Variants in PDZRN4 observed in about 807,000 individuals in gnomAD.
PDZRN4 encodes PDZ domain-containing RING finger protein 4.
PDZRN4 carries 70 observed loss-of-function variants against 99.0 expected under a neutral mutation model. The observed-to-expected ratio is 0.71, with a 90% confidence interval of 0.58 to 0.86. The LOEUF (loss-of-function observed/expected upper bound fraction) is 0.86, where lower values mean the gene tolerates loss of function less well. Ranked by LOEUF, PDZRN4 falls within the 40% of genes least tolerant of loss-of-function variation. PDZRN4 has a pLI of 0.00. For missense variants in PDZRN4, 1,474 were observed against 1,331.2 expected (o/e 1.11, Z -1.67); for synonymous variants, 551 against 501.6 (o/e 1.10, Z -1.32).
chr12:41,314,148 T>A (rs1240232932), intron 3 of PDZRN4, among the ~76,000 whole-genome samples: 1 of 152,198 alleles, frequency 6.6e-6, no homozygotes, highest in Non-Finnish European at 1.5e-5. Flanking sequence ...GAACAGCTTT[T>A]AGGTAAGGAT....
intron 3 of PDZRN4, among the ~76,000 whole-genome samples, chr12:41,453,208 G>C (rs888309354): frequency 1.3e-5 from 2 of 152,138 alleles, no homozygotes; most frequent in African/African-American, 4.8e-5. Context: ...CCGCCCCTGG[G>C]GGAGTGAATC....
At chr12:41,197,469 C>G (rs11837125) in intron 3 of PDZRN4, among the ~76,000 whole-genome samples, 5,196 of 152,186 alleles carry the variant, frequency 0.034, 294 homozygotes, top group African/African-American at 0.12. Context: ...CCACAAGCAA[C>G]TATGTTAACC....
chr12:41,481,942 C>T lies in PDZRN4; in HGVS notation c.844-24514C>T, dbSNP rs557523879. Among the ~76,000 whole-genome samples the T allele has an allele frequency of 9.9e-4, 151 of 152,146 alleles. 1 individual carries two copies. The highest frequency in any genetic ancestry group is 1.0e-3 in the Non-Finnish European group (71 of 68,004). ...ATTAAGAAGAATAATTTAATTATAA[C>T]AATACTTTTTAAAGACTTTCTTTAG... On this transcript the variant is annotated intron_variant, in intron 3 of 9. Transcript: ENST00000402685.
chr12:41,373,677 A>G (rs1429384020), intron 3 of PDZRN4, among the ~76,000 whole-genome samples: 1 of 151,888 alleles, frequency 6.6e-6, no homozygotes, highest in African/African-American at 2.4e-5. Context: ...TGTGCAGTTA[A>G]TGCAGTCATC....
chr12:41,366,181 G>C (rs1286129773), intron 3 of PDZRN4, among the ~76,000 whole-genome samples: 1 of 152,050 alleles, frequency 6.6e-6, no homozygotes, highest in East Asian at 1.9e-4. Flanking sequence ...TGTTACCCTG[G>C]TCCTAATTTG....
At chr12:41,324,142 T>C (rs1174949658) in intron 3 of PDZRN4, among the ~76,000 whole-genome samples, 1 of 152,092 alleles carries the variant, frequency 6.6e-6, no homozygotes, top group Non-Finnish European at 1.5e-5. Flanking sequence ...ATTGCTTAAA[T>C]AAAACATATC....
intron 3 of PDZRN4, among the ~76,000 whole-genome samples, chr12:41,485,334 T>C (rs993535285): frequency 1.3e-5 from 2 of 152,170 alleles, no homozygotes; most frequent in African/African-American, 4.8e-5. Context: ...TGTACCCCTA[T>C]ACCTATCCTG....
chr12:41,546,982 G>T (rs892273013), intron 5 of PDZRN4, among the ~76,000 whole-genome samples: 1 of 152,150 alleles, frequency 6.6e-6, no homozygotes, highest in African/African-American at 2.4e-5. Context: ...ACAAATGGCC[G>T]TGGATAGTTA....
intron 3 of PDZRN4, among the ~76,000 whole-genome samples, chr12:41,325,729 G>A (rs959530230): frequency 6.6e-6 from 1 of 151,890 alleles, no homozygotes; most frequent in Non-Finnish European, 1.5e-5. Context: ...CCTTAGATAT[G>A]GTGAAATTAA....
At chr12:41,311,383 G>A (rs944073175) in intron 3 of PDZRN4, among the ~76,000 whole-genome samples, 3 of 151,948 alleles carry the variant, frequency 2.0e-5, no homozygotes, top group Non-Finnish European at 2.9e-5. Flanking sequence ...AGAATGAGGC[G>A]GTGTGATGTC....
intron 3 of PDZRN4, among the ~76,000 whole-genome samples, chr12:41,215,425 T>A (rs909443624): frequency 1.3e-5 from 2 of 152,074 alleles, no homozygotes; most frequent in Non-Finnish European, 2.9e-5. Flanking sequence ...ATCTATACAT[T>A]GTTTGCTTGA....
At chr12:41,461,520 C>G (rs1053155612) in intron 3 of PDZRN4, among the ~76,000 whole-genome samples, 10 of 152,166 alleles carry the variant, frequency 6.6e-5, no homozygotes, top group African/African-American at 2.2e-4. Context: ...GAGAGAGTAA[C>G]AGACAAGGCT....
chr12:41,573,488 G>A lies in PDZRN4; in HGVS notation c.2709G>A (p.Lys903=), dbSNP rs770801996. 1 of 1,614,010 alleles carries A rather than the reference G, an allele frequency of 6.2e-7. No homozygotes were observed. Among genetic ancestry groups the A allele is most frequent in the South Asian group, 1.1e-5 (1 of 91,078 alleles). Residue 903 remains lysine, a synonymous_variant, in exon 10 of 10, where the codon AAG becomes AAA. Coordinates refer to ENST00000402685, the MANE Select transcript of PDZRN4 (RefSeq NM_001164595.2). ...IRSDGTRYIT[K]RPVRDRILKE... ...GCGACGGGACACGGTACATCACAAA[G>A]AGACCCGTGCGAGACCGAATCCTGA...
chr12:41,253,541 G>A (rs534968573), intron 3 of PDZRN4, among the ~76,000 whole-genome samples: 1 of 152,234 alleles, frequency 6.6e-6, no homozygotes, highest in African/African-American at 2.4e-5. Context: ...ACTGTTACTG[G>A]GAATGTAAAT....
chr12:41,419,185 T>G (rs1952470803), intron 3 of PDZRN4, among the ~76,000 whole-genome samples: 1 of 152,142 alleles, frequency 6.6e-6, no homozygotes, highest in South Asian at 2.1e-4. Flanking sequence ...GTGTTTTGGT[T>G]TTATGCCTGT....
intron 3 of PDZRN4, among the ~76,000 whole-genome samples, chr12:41,236,949 G>A (rs1373903479): frequency 6.6e-6 from 1 of 152,042 alleles, no homozygotes; most frequent in Non-Finnish European, 1.5e-5. Context: ...GATAGAAAAT[G>A]TCTTTTTCAT....
chr12:41,230,620 G>T (rs1951022456), intron 3 of PDZRN4, among the ~76,000 whole-genome samples: 1 of 152,026 alleles, frequency 6.6e-6, no homozygotes, highest in African/African-American at 2.4e-5. Context: ...TAGTAGTGTG[G>T]AATCAGTAAC....
At chr12:41,206,433 A>G (rs1473421012) in intron 3 of PDZRN4, among the ~76,000 whole-genome samples, 1 of 151,758 alleles carries the variant, frequency 6.6e-6, no homozygotes, top group South Asian at 2.1e-4. Context: ...TAATGAAGTT[A>G]AATAAATCTT....
intron 3 of PDZRN4, among the ~76,000 whole-genome samples, chr12:41,398,531 C>G (rs918311602): frequency 6.6e-6 from 1 of 152,016 alleles, no homozygotes; most frequent in African/African-American, 2.4e-5. Flanking sequence ...AAATCATAAC[C>G]AAAAGATTCA....
Sources: allele counts gnomAD v4.1 joint callset (sites outside exome capture counted in the v4.1 genomes callset), GRCh38; gene constraint gnomAD v4.1.1; transcripts MANE v1.5; gene names NCBI Gene and HGNC (gene_info 2026-07-23, HGNC 2026-07-21).